CACNA1I: variants seen among roughly 807,000 people sequenced by gnomAD.
The protein encoded by CACNA1I is calcium voltage-gated channel subunit alpha1 I.
CACNA1I carries 74 observed loss-of-function variants against 201.6 expected under a neutral mutation model. That is an observed-to-expected ratio of 0.37 (90% CI 0.30 to 0.45). The LOEUF (loss-of-function observed/expected upper bound fraction) is 0.45, where lower values mean the gene tolerates loss of function less well. CACNA1I is among the 20% of genes least tolerant of loss of function. CACNA1I has a pLI of 1.00. For synonymous variants in CACNA1I, 1,431 were observed against 1,345.2 expected (o/e 1.06, Z -1.40); for missense variants, 2,346 against 3,138.1 (o/e 0.75, Z 6.03).
At position 39,682,591 on chromosome 22, in the gene CACNA1I, C is replaced by A. The variant is rs1490230212; in HGVS notation, c.5760C>A (p.Asn1920Lys). The A allele has an allele frequency of 1.9e-6, 3 of 1,613,568 alleles. No homozygotes were observed. Among genetic ancestry groups the A allele is most frequent in the African/African-American group, 1.3e-5 (1 of 74,920 alleles). Reference sequence around the variant, plus strand: ...CGGCCGTCTCGCCGGATCCAGAGAACTTCCTGTGTGAGATGGAGGAGATCC... The same window carrying A: ...CGGCCGTCTCGCCGGATCCAGAGAAATTCCTGTGTGAGATGGAGGAGATCC... ...SSTAVSPDPE[N>K]FLCEMEEIPF... is the part of the protein sequence containing the mutation. The change falls in exon 35 of 37, where the codon AAC becomes AAA. Residue 1920 changes from asparagine to lysine, a missense_variant. Asn to Lys is a moderately conservative substitution (Grantham distance 94, BLOSUM62 0). Around this residue, in one of 13 missense-constraint regions of CACNA1I, gnomAD observed 441 missense variants for 555.6 expected, o/e 0.79. Coordinates refer to ENST00000402142, the MANE Select transcript of CACNA1I (RefSeq NM_021096.4).
rs536682888 is a variant in CACNA1I, at chr22:39,601,537, G to A, written c.482+884G>A. ...AGAGTGGGTCATTATTAGGGCAGAGGAGAGAGAAAAAGGCTGGAGGCTGTA... is the reference window on the plus strand; with the variant it reads ...AGAGTGGGTCATTATTAGGGCAGAGAAGAGAGAAAAAGGCTGGAGGCTGTA... On this transcript the variant is annotated intron_variant, in intron 3 of 36. Coordinates refer to ENST00000402142, the MANE Select transcript of CACNA1I (RefSeq NM_021096.4). Among the ~76,000 whole-genome samples the A allele has an allele frequency of 1.2e-3, 187 of 152,276 alleles. No homozygotes were observed. In the Middle Eastern group the frequency reaches 0.027, roughly 22 times the overall value.
At chr22:39,662,625 G>T in intron 17 of CACNA1I, 151 bp from the exon 18 acceptor site, 1 of 702,830 alleles carries the variant, frequency 1.4e-6, no homozygotes, top group Non-Finnish European at 2.4e-6. Context: ...AGCTGGGCCG[G>T]CTCCTGGGAG....
At chr22:39,653,671 C>T (rs952213581) in intron 10 of CACNA1I, among the ~76,000 whole-genome samples, 5 of 152,210 alleles carry the variant, frequency 3.3e-5, no homozygotes, top group African/African-American at 1.2e-4. Flanking sequence ...GAGGGTGTGA[C>T]ATCTGTGAAG....
At chr22:39,674,139 A>T in intron 29 of CACNA1I, 106 bp downstream of exon 29, 1 of 1,050,738 alleles carries the variant, frequency 9.5e-7, no homozygotes, top group Non-Finnish European at 1.4e-6. Flanking sequence ...TGCCAGAGCC[A>T]GGGCAGATGC....
At chr22:39,596,498 G>C (rs1300382260) in intron 1 of CACNA1I, among the ~76,000 whole-genome samples, 2 of 87,202 alleles carry the variant, frequency 2.3e-5, no homozygotes, top group Non-Finnish European at 4.7e-5. Context: ...GGAGAGAGAT[G>C]GGGGGCAGGG....
At chr22:39,627,032 A>C (rs1350804497) in intron 4 of CACNA1I, among the ~76,000 whole-genome samples, 1 of 152,212 alleles carries the variant, frequency 6.6e-6, no homozygotes, top group African/African-American at 2.4e-5. Context: ...GGACAGAGCT[A>C]GGGTTTGAAC....
intron 7 of CACNA1I, among the ~76,000 whole-genome samples, chr22:39,645,393 G>A (rs551121552): frequency 6.2e-4 from 94 of 152,328 alleles, no homozygotes; most frequent in Admixed American, 2.6e-3. Flanking sequence ...GTCGCCCAGG[G>A]CAGCAGCTGC....
chr22:39,625,652 A>G (rs968961918), intron 4 of CACNA1I, among the ~76,000 whole-genome samples: 1 of 151,894 alleles, frequency 6.6e-6, no homozygotes, highest in African/African-American at 2.4e-5. Flanking sequence ...TGTTCAGGCC[A>G]CTCAGCCTCT....
chr22:39,623,619 T>C (rs562622499), intron 4 of CACNA1I, among the ~76,000 whole-genome samples: 1 of 149,172 alleles, frequency 6.7e-6, no homozygotes, highest in South Asian at 2.2e-4. Context: ...TGAGGGTGTG[T>C]GTGCCTGTGT....
At chr22:39,674,200 C>T (rs1935454380) in intron 29 of CACNA1I, among the ~76,000 whole-genome samples, 167 bp downstream of exon 29, 1 of 152,164 alleles carries the variant, frequency 6.6e-6, no homozygotes. Flanking sequence ...GGAAGGGTCC[C>T]TTTATGCCTC....
At chr22:39,620,130 TCCATCCATCCACCCAC>T (rs1254689331) in intron 4 of CACNA1I, among the ~76,000 whole-genome samples, 8 of 111,090 alleles carry the variant, frequency 7.2e-5, no homozygotes, top group Admixed American at 2.9e-4. Flanking sequence ...CATCCACCTG[TCCATCCATCCACCCAC>T]CCATCCATCC....
chr22:39,572,667 A>T (rs574661800), intron 1 of CACNA1I, among the ~76,000 whole-genome samples: 36 of 152,028 alleles, frequency 2.4e-4, no homozygotes, highest in African/African-American at 8.7e-4. Flanking sequence ...GCACTCACTG[A>T]CATCTGCCCT....
Position 39,686,209 on chromosome 22 carries a change from T to A in CACNA1I, c.6476T>A (p.Leu2159Gln). 1 of 1,248,862 alleles carries A rather than the reference T, an allele frequency of 8.0e-7. No individual in the cohort carries two copies. The highest frequency in any genetic ancestry group is 1.0e-6 in the Non-Finnish European group (1 of 998,522). 77.4% of individuals were successfully genotyped at this position (1,248,862 alleles called of 1,614,324 possible). A position where few individuals can be genotyped will look rare whatever the true frequency, so the allele number is the denominator to read the frequency against. ...AGGAAGTTCAGCAGCACCAGCAGCC[T>A]GGCCGCCCCCGGCCGCCCCCACGCC... ...PARKFSSTSSLAAPGRPHAAA... is the reference protein window; with the variant it reads ...PARKFSSTSSQAAPGRPHAAA... Residue 2159 changes from leucine (L) to glutamine (Q), a missense_variant, in exon 37 of 37, where the codon CTG becomes CAG. Leu to Gln is a moderately radical substitution (Grantham distance 113). This residue lies in a region of CACNA1I where 187 missense variants were observed against 151.0 expected (regional missense o/e 1.24). Coordinates refer to ENST00000402142, the MANE Select transcript of CACNA1I (RefSeq NM_021096.4).
rs1436875421 is a variant in CACNA1I, at chr22:39,617,709, C to T, written c.483-1601C>T. ...ATCCTCATGCAGTCCCGCTCCCTCG[C>T]TGCCCCTTCCAGGTCACCATCGGCC... On this transcript the variant is annotated intron_variant, in intron 3 of 36. Transcript: ENST00000402142. Among the ~76,000 whole-genome samples the T allele has an allele frequency of 2.6e-5, 4 of 152,208 alleles. No homozygotes were observed. In the South Asian group the frequency reaches 8.3e-4, roughly 32 times the overall value.
Position 39,590,990 on chromosome 22 carries a change from C to T in CACNA1I, c.237-7161C>T, listed in dbSNP as rs140639946. Among the ~76,000 whole-genome samples, 183 of 151,634 alleles carry T rather than the reference C, an allele frequency of 1.2e-3. 2 individuals carry two copies. The highest frequency in any genetic ancestry group is 4.2e-3 in the African/African-American group (173 of 41,296). ...CCTTCTAAGTAGCAGACTACAGGCGCGCACCACCACAGCTGGCTAATTAAA... is the reference window on the plus strand; with the variant it reads ...CCTTCTAAGTAGCAGACTACAGGCGTGCACCACCACAGCTGGCTAATTAAA... On this transcript the variant is annotated intron_variant, in intron 1 of 36. Coordinates refer to ENST00000402142, the MANE Select transcript of CACNA1I (RefSeq NM_021096.4).
intron 1 of CACNA1I, among the ~76,000 whole-genome samples, chr22:39,588,280 A>G (rs1321928553): frequency 6.6e-6 from 1 of 151,182 alleles, no homozygotes; most frequent in African/African-American, 2.4e-5. Context: ...CCACAGGTAC[A>G]TGCCGGCAAA....
chr22:39,603,800 G>C (rs757505809), intron 3 of CACNA1I, among the ~76,000 whole-genome samples: 65 of 152,186 alleles, frequency 4.3e-4, no homozygotes, highest in Non-Finnish European at 6.8e-4. Context: ...ACAGACATCG[G>C]AGAAAGAATG....
intron 10 of CACNA1I, among the ~76,000 whole-genome samples, chr22:39,657,923 G>A (rs1934875402): frequency 1.3e-5 from 2 of 152,214 alleles, no homozygotes; most frequent in Non-Finnish European, 2.9e-5. Flanking sequence ...TGGAAGGTCA[G>A]CGCTGTGGGG....
At chr22:39,667,121 C>T (rs979081512) in intron 23 of CACNA1I, among the ~76,000 whole-genome samples, 5 of 152,208 alleles carry the variant, frequency 3.3e-5, no homozygotes, top group African/African-American at 9.7e-5. Context: ...GCCGTGTGCC[C>T]TCAGACACGT....
Sources: gnomAD v4.1 joint callset for allele counts (sites outside exome capture counted in the v4.1 genomes callset) on GRCh38, gnomAD v4.1.1 for gene constraint, gnomAD v4.1.1 regional missense constraint, MANE v1.5 for transcripts, NCBI Gene and HGNC (gene_info 2026-07-23, HGNC 2026-07-21) for gene names.